The following PGAP3 variants were observed in gnomAD, a reference collection of about 807,000 sequenced individuals.
The protein encoded by PGAP3 is post-GPI attachment to proteins phospholipase 3, also known as GPI-specific phospholipase A2-like PGAP3.
In PGAP3, 31 loss-of-function variants were observed where a neutral mutation model predicts 40.3. That is an observed-to-expected ratio of 0.77 (90% CI 0.58 to 1.04). PGAP3 has a LOEUF of 1.04. Among genes scored for constraint, PGAP3 ranks in the 50% least tolerant of loss-of-function variants. The probability of loss-of-function intolerance (pLI) is 0.00; values close to 1 mark genes in which losing one functional copy is unlikely to be tolerated. For synonymous variants in PGAP3, 191 were observed against 184.5 expected (o/e 1.04, Z -0.29); for missense variants, 413 against 423.0 (o/e 0.98, Z 0.21).
intron 3 of PGAP3, among the ~76,000 whole-genome samples, chr17:39,684,312 T>C (rs750823553): frequency 7.2e-5 from 11 of 152,068 alleles, no homozygotes; most frequent in Non-Finnish European, 1.5e-4. Context: ...TTGTAAACTG[T>C]CCTACTGGGT....
rs2057337915 is a variant in PGAP3 at position 39,673,595 on chromosome 17, G to T, written c.613C>A (p.Leu205Ile). The T allele has an allele frequency of 1.2e-6, 2 of 1,614,030 alleles. No individual in the cohort carries two copies. Among genetic ancestry groups the T allele is most frequent in the South Asian group, 2.2e-5 (2 of 91,094 alleles). The change falls in exon 6 of 8, where the codon CTC becomes ATC. Residue 205 changes from leucine (L) to isoleucine (I), a missense_variant. Physicochemically the swap from Leu to Ile is conservative, Grantham distance 5. Transcript: ENST00000300658. The stretch of plus-strand genomic sequence containing the variant: ...TAGGAGACGTGCACGGTCAGCATGA[G>T]CAGCAGGAGAGCCCGGAAGGCACTG... ...VVSAFRALLL[L>I]MLTVHVSYLS...
chr17:39,680,215 G>C (rs2057422604), intron 3 of PGAP3, among the ~76,000 whole-genome samples: 1 of 152,222 alleles, frequency 6.6e-6, no homozygotes, highest in East Asian at 1.9e-4. Context: ...CCTGGAGCCA[G>C]ACAGCCCTGG....
intron 3 of PGAP3, among the ~76,000 whole-genome samples, chr17:39,679,191 T>C (rs1020928770): frequency 6.6e-6 from 1 of 152,138 alleles, no homozygotes; most frequent in African/African-American, 2.4e-5. Flanking sequence ...ATGATCCACC[T>C]GCCTCAGCCT....
In PGAP3 at chr17:39,687,867, G is replaced by A. The variant is rs746846864; in HGVS notation, c.148C>T (p.Arg50Cys). The A allele has an allele frequency of 1.8e-5, 27 of 1,497,792 alleles. No individual in the cohort carries two copies. Among genetic ancestry groups the A allele is most frequent in the Non-Finnish European group, 2.4e-5 (27 of 1,109,874 alleles). The allele number at this position is 1,497,792 out of a possible 1,614,324, so 92.8% of individuals were successfully genotyped here. Residue 50 changes from arginine (R) to cysteine (C), a missense_variant, in exon 1 of 8, where the codon CGC becomes TGC. Physicochemically the swap from Arg to Cys is radical, Grantham distance 180. Transcript: ENST00000300658. ...CTCATGTAGATTGGCTGGCGGGAGC[G>A]GAAGTGATTCAGAGCGCCCCCAGAG... ...NCSGGALNHFRSRQPIYMSLA... is the reference protein window; with the variant it reads ...NCSGGALNHFCSRQPIYMSLA...
At position 39,683,640 on chromosome 17, in the gene PGAP3, T is replaced by C. The variant is rs115038607; in HGVS notation, c.432+957A>G. 6.1e-3 allele frequency among the ~76,000 whole-genome samples: 930 copies of C among 152,290 alleles called. 14 individuals are homozygous for C. Among genetic ancestry groups the C allele is most frequent in the African/African-American group, 0.022 (904 of 41,552 alleles). ...CAGGGGCAGCTCCGACCTAGAGACATCCGTTGCAACCTTTCATTCTCACAC... is the reference window on the plus strand; with the variant it reads ...CAGGGGCAGCTCCGACCTAGAGACACCCGTTGCAACCTTTCATTCTCACAC... On this transcript the variant is annotated intron_variant, in intron 3 of 7. Coordinates refer to ENST00000300658, the MANE Select transcript of PGAP3 (RefSeq NM_033419.5).
intron 5 of PGAP3, 95 bp from the exon 6 acceptor site, chr17:39,673,745 C>A: frequency 6.6e-7 from 1 of 1,519,684 alleles, no homozygotes. Context: ...TGGTGCATGG[C>A]CCCTGAAGTC....
intron 3 of PGAP3, among the ~76,000 whole-genome samples, chr17:39,675,049 C>G (rs1976292): frequency 5.3e-5 from 2 of 37,844 alleles, no homozygotes; most frequent in East Asian, 1.0e-3. Context: ...CACCACCCCA[C>G]CCGGGCCCAG....
At position 39,673,268 on chromosome 17, in the gene PGAP3, G is replaced by A. The variant is rs746056551; in HGVS notation, c.695-13C>T. 7 of 1,555,802 alleles carry A rather than the reference G, an allele frequency of 4.5e-6. No homozygotes were observed. The African/African-American group carries it at 9.6e-5, about 21-fold the overall frequency. On this transcript the variant is annotated splice_polypyrimidine_tract_variant and intron_variant, in intron 6 of 7. Coordinates refer to ENST00000300658, the MANE Select transcript of PGAP3 (RefSeq NM_033419.5). ...ACGTTGACCAGGCCTGGGTGCCAGT[G>A]GGGGCAGGAGAGACTCATTCCTTCG...
In PGAP3 at chr17:39,675,969, C is replaced by A. The variant is rs117550683; in HGVS notation, c.433-1290G>T. Among the ~76,000 whole-genome samples the A allele has an allele frequency of 9.2e-5, 14 of 152,318 alleles. 1 individual carries two copies. The East Asian group carries it at 2.7e-3, about 29-fold the overall frequency. ...GGGACAAATCATGGCTCAAGTGAAA[C>A]TTCAGTTCCTTTCCAGCCTGGCGTT... On this transcript the variant is annotated intron_variant, in intron 3 of 7. Coordinates refer to ENST00000300658, the MANE Select transcript of PGAP3 (RefSeq NM_033419.5).
intron 2 of PGAP3, 61 bp from the exon 3 acceptor site, chr17:39,684,810 A>G (rs2057488843): frequency 1.3e-6 from 2 of 1,484,510 alleles, no homozygotes; most frequent in Non-Finnish European, 1.8e-6. Context: ...GGCCCAGTCC[A>G]CCTATTCTTG....
chr17:39,673,864 T>C, intron 5 of PGAP3, 129 bp downstream of exon 5: 2 of 1,268,240 alleles, frequency 1.6e-6, no homozygotes, highest in South Asian at 1.3e-5. Context: ...CCAGGACAGC[T>C]GATGTGTTGG....
At chr17:39,677,653 A>G (rs1046693383) in intron 3 of PGAP3, among the ~76,000 whole-genome samples, 18 of 152,192 alleles carry the variant, frequency 1.2e-4, no homozygotes, top group African/African-American at 4.3e-4. Context: ...GCTGCCCAGC[A>G]GGCACCCAGA....
chr17:39,678,950 C>T (rs1217411483), intron 3 of PGAP3, among the ~76,000 whole-genome samples: 1 of 152,076 alleles, frequency 6.6e-6, no homozygotes, highest in African/African-American at 2.4e-5. Context: ...CCTGCTTTTT[C>T]TGTTTTTGTT....
chr17:39,678,160 G>A (rs998345609), intron 3 of PGAP3, among the ~76,000 whole-genome samples: 1 of 152,188 alleles, frequency 6.6e-6, no homozygotes, highest in Non-Finnish European at 1.5e-5. Context: ...GCTCTTGTCT[G>A]ACCATGGGAA....
chr17:39,673,520 C>G lies in PGAP3; in HGVS notation c.688G>C (p.Ala230Pro). The change falls in exon 6 of 8, where the codon GCT (alanine) becomes CCT (proline). Residue 230 changes from alanine to proline, a missense_variant. By Grantham distance (27) the Ala-to-Pro change is conservative. Transcript: ENST00000300658. ...AAGCCCCCCAGGGCCTCACCAATAG[C>G]CACGTTGGCCACCAGGTTGTAGCCA... ...DYGYNLVANVAIGLVNVVWWL... is the reference protein window; with the variant it reads ...DYGYNLVANVPIGLVNVVWWL... 1 of 1,614,104 alleles carries G rather than the reference C, an allele frequency of 6.2e-7. No individual in the cohort carries two copies. The highest frequency in any genetic ancestry group is 8.5e-7 in the Non-Finnish European group (1 of 1,180,006).
Position 39,688,046 on chromosome 17 carries a change from G to A in PGAP3, c.-32C>T, listed in dbSNP as rs765390691. Reference sequence around the variant, plus strand: ...TCCCTGGCTCGCCGCCGGGGGAGGAGCTTAGGAGTATGAAGCTTCCACTTC... The same window carrying A: ...TCCCTGGCTCGCCGCCGGGGGAGGAACTTAGGAGTATGAAGCTTCCACTTC... On this transcript the variant is annotated 5_prime_UTR_variant, in exon 1 of 8. Coordinates refer to ENST00000300658, the MANE Select transcript of PGAP3 (RefSeq NM_033419.5). The A allele has an allele frequency of 7.4e-6, 10 of 1,344,176 alleles. No homozygotes were observed. In the African/African-American group the frequency reaches 1.4e-4, roughly 18 times the overall value. 83.3% of individuals were successfully genotyped at this position (1,344,176 alleles called of 1,614,324 possible).
intron 3 of PGAP3, among the ~76,000 whole-genome samples, chr17:39,677,165 AC>A (rs1250553888): frequency 6.6e-6 from 1 of 152,220 alleles, no homozygotes; most frequent in Admixed American, 6.5e-5. Flanking sequence ...TGCTCACTGC[AC>A]AGGAGGCCAT....
At chr17:39,680,445 C>T (rs2057425538) in intron 3 of PGAP3, among the ~76,000 whole-genome samples, 1 of 152,110 alleles carries the variant, frequency 6.6e-6, no homozygotes, top group Non-Finnish European at 1.5e-5. Flanking sequence ...TAAGGAGGGT[C>T]CATATTTCCC....
intron 3 of PGAP3, 109 bp from the exon 4 acceptor site, chr17:39,674,788 A>C: frequency 9.3e-7 from 1 of 1,072,140 alleles, no homozygotes; most frequent in Non-Finnish European, 1.4e-6. Context: ...CTGCAGGACA[A>C]GAAATGTGCT....
Sources: gnomAD v4.1 joint callset for allele counts (sites outside exome capture counted in the v4.1 genomes callset) on GRCh38, gnomAD v4.1.1 for gene constraint, MANE v1.5 for transcripts, NCBI Gene and HGNC (gene_info 2026-07-23, HGNC 2026-07-21) for gene names.